Variants in LRRC27 observed in about 807,000 individuals in gnomAD.
The protein encoded by LRRC27 is leucine-rich repeat-containing protein 27.
A neutral mutation model predicts 55.0 loss-of-function variants in LRRC27; 57 were observed. The ratio of observed to expected loss-of-function variants is 1.04; its 90% CI spans 0.84 to 1.29. LRRC27 has a LOEUF of 1.29. Among genes scored for constraint, LRRC27 ranks in the 50% most tolerant of loss-of-function variants. The pLI is 0.00. For missense variants in LRRC27, 721 were observed against 651.5 expected (o/e 1.11, Z -1.16); for synonymous variants, 278 against 251.9 (o/e 1.10, Z -0.98).
chr10:132,350,837 T>G (rs2497644), intron 6 of LRRC27: 63,641 of 152,058 alleles, frequency 0.42, 13,731 homozygotes, highest in African/African-American at 0.5. Context: ...TGGTGAGGAG[T>G]TGTCATGTTC....
chr10:132,352,979 C>T (rs2068131928), intron 7 of LRRC27: 4 of 1,613,502 alleles, frequency 2.5e-6, no homozygotes, highest in Non-Finnish European at 3.4e-6. Context: ...AGTGCCACCA[C>T]CTTGCGAGGT....
At chr10:132,336,035 G>A (rs531650874) in intron 2 of LRRC27, among the ~76,000 whole-genome samples, 9 of 152,320 alleles carry the variant, frequency 5.9e-5, no homozygotes, top group African/African-American at 2.2e-4. Context: ...AAGGCACTTT[G>A]TCTTGGAAAT....
chr10:132,339,096 G>A lies in LRRC27; in HGVS notation c.341+1401G>A, dbSNP rs542902345. On this transcript the variant is annotated intron_variant, in intron 3 of 10. Coordinates refer to ENST00000368614, the MANE Select transcript of LRRC27 (RefSeq NM_030626.3). ...CAGCCCATGCAGGAGGGGCAGCCTG[G>A]GCGTGGCTGGCCACGGCAGGGCCTG... 2.0e-3 allele frequency among the ~76,000 whole-genome samples: 301 copies of A among 152,294 alleles called. 1 individual carries two copies. The highest frequency in any genetic ancestry group is 4.9e-3 in the African/African-American group (202 of 41,562).
intron 7 of LRRC27, among the ~76,000 whole-genome samples, chr10:132,352,440 T>C (rs1215411344): frequency 1.6e-4 from 10 of 62,726 alleles, no homozygotes; most frequent in African/African-American, 6.0e-4. Context: ...CAGGCGCAGG[T>C]GCAGCGCTCC....
At chr10:132,358,215 A>G (rs1472807941) in intron 8 of LRRC27, among the ~76,000 whole-genome samples, 1 of 152,264 alleles carries the variant, frequency 6.6e-6, no homozygotes, top group African/African-American at 2.4e-5. Flanking sequence ...GCCACCGTAA[A>G]TACATGAAAA....
In LRRC27 at chr10:132,348,985, G is replaced by A. The variant is rs549346960; in HGVS notation, c.926+629G>A. The A allele has an allele frequency of 1.9e-6, 3 of 1,609,814 alleles. No individual in the cohort carries two copies. The highest frequency in any genetic ancestry group is 1.7e-5 in the Admixed American group (1 of 59,420). Reference sequence around the variant, plus strand: ...CAGGACAAGGGTCCCTAGGAAACAGGCTCTGCAGAGACTACATGAGAGAAA... The same window carrying A: ...CAGGACAAGGGTCCCTAGGAAACAGACTCTGCAGAGACTACATGAGAGAAA... On this transcript the variant is annotated intron_variant, in intron 6 of 10. Transcript: ENST00000368614. The surrounding 1 kb of genome is among the most constrained non-coding windows in gnomAD (Gnocchi z 4.2).
intron 9 of LRRC27, among the ~76,000 whole-genome samples, chr10:132,363,523 G>A (rs1049883584): frequency 1.6e-4 from 24 of 152,270 alleles, no homozygotes; most frequent in South Asian, 1.2e-3. Context: ...CCTCCCAGGC[G>A]TCCTGGGAAG....
chr10:132,347,787 T>C (rs1042519704), intron 5 of LRRC27, among the ~76,000 whole-genome samples, 197 bp from the exon 6 acceptor site: 1 of 152,100 alleles, frequency 6.6e-6, no homozygotes, highest in Admixed American at 6.5e-5. Flanking sequence ...TGGAACTGCT[T>C]TGTGTGCCGC....
At position 132,348,270 on chromosome 10, in the gene LRRC27, T is replaced by A. The variant is rs1192257982; in HGVS notation, c.840T>A (p.Asp280Glu). ...VEHVKADVLG[D>E]QLLTRELPPN... ...ACGTGAAGGCAGACGTTCTGGGAGA[T>A]CAGCTCTTGACGAGGGAATTACCTC... The change falls in exon 6 of 11, where the codon GAT becomes GAA. Residue 280 changes from aspartate to glutamate, a missense_variant. Coordinates refer to ENST00000368614, the MANE Select transcript of LRRC27 (RefSeq NM_030626.3). This position sits in a 1 kb window ranked among gnomAD's most constrained non-coding sequence, Gnocchi z 4.2. 2.5e-6 allele frequency: 4 copies of A among 1,613,868 alleles called. No homozygotes were observed. The African/African-American group carries it at 5.3e-5, about 22-fold the overall frequency.
At chr10:132,361,356 C>T (rs2068607312) in intron 8 of LRRC27, 101 bp from the exon 9 acceptor site, 7 of 1,027,784 alleles carry the variant, frequency 6.8e-6, no homozygotes, top group Non-Finnish European at 3.0e-6. Flanking sequence ...GGACCCACCT[C>T]TTCGTGGACG....
intron 2 of LRRC27, chr10:132,336,731 A>G (rs775582169): frequency 2.6e-6 from 2 of 755,088 alleles, no homozygotes; most frequent in Non-Finnish European, 4.9e-6. Flanking sequence ...TGAAACCTAG[A>G]TGTGGATCCA....
chr10:132,338,045 G>A (rs973344138), intron 3 of LRRC27, among the ~76,000 whole-genome samples: 1 of 152,220 alleles, frequency 6.6e-6, no homozygotes, highest in Non-Finnish European at 1.5e-5. Context: ...GCCAGGCGCG[G>A]TGGCTCACGC....
intron 10 of LRRC27, among the ~76,000 whole-genome samples, chr10:132,373,624 C>T (rs1436459270): frequency 6.6e-6 from 1 of 152,164 alleles, no homozygotes; most frequent in Non-Finnish European, 1.5e-5. Context: ...ATGCTGCTTC[C>T]CATCTAGAGA....
intron 8 of LRRC27, among the ~76,000 whole-genome samples, chr10:132,359,954 CAA>C (rs1564847873): frequency 6.6e-6 from 1 of 152,164 alleles, no homozygotes; most frequent in Non-Finnish European, 1.5e-5. Flanking sequence ...CTTGCTCACT[CAA>C]GAGCTGGATG....
At chr10:132,363,255 C>G (rs1028492863) in intron 9 of LRRC27, among the ~76,000 whole-genome samples, 14 of 150,580 alleles carry the variant, frequency 9.3e-5, no homozygotes, top group Admixed American at 7.3e-4. Flanking sequence ...GTTCATGAAC[C>G]CTCTCACCTC....
At position 132,375,340 on chromosome 10, in the gene LRRC27, G is replaced by A; in HGVS notation, c.*98G>A. The A allele has an allele frequency of 2.6e-6, 3 of 1,161,982 alleles. No individual in the cohort carries two copies. The highest frequency in any genetic ancestry group is 3.6e-6 in the Non-Finnish European group (3 of 824,092). 72.0% of individuals were successfully genotyped at this position (1,161,982 alleles called of 1,614,324 possible). ...CTGTGTGGTGCCGGAAGAGCGCCAG[G>A]TTCAGTGTTACCCTGAGGGCTGATT... On this transcript the variant is annotated 3_prime_UTR_variant, in exon 11 of 11. Coordinates refer to ENST00000368614, the MANE Select transcript of LRRC27 (RefSeq NM_030626.3).
chr10:132,356,834 T>C (rs980551008), intron 8 of LRRC27, among the ~76,000 whole-genome samples: 4 of 152,272 alleles, frequency 2.6e-5, no homozygotes, highest in African/African-American at 4.8e-5. Flanking sequence ...CCTGTGAGCA[T>C]AGTCAGGCAA....
chr10:132,337,299 T>C, intron 2 of LRRC27: 1 of 1,270,636 alleles, frequency 7.9e-7, no homozygotes, highest in South Asian at 2.0e-5. Context: ...GAAACAGTGG[T>C]GTGCTGGGTC....
chr10:132,378,043 G>T lies in LRRC27; in HGVS notation c.*2801G>T, dbSNP rs796196728. On this transcript the variant is annotated 3_prime_UTR_variant, in exon 11 of 11. Coordinates refer to ENST00000368614, the MANE Select transcript of LRRC27 (RefSeq NM_030626.3). ...AAAAAATACAAAAAATTAGCCGGGCGTGGTGGCTGTAGTCGCAGCTACTCA... is the reference window on the plus strand; with the variant it reads ...AAAAAATACAAAAAATTAGCCGGGCTTGGTGGCTGTAGTCGCAGCTACTCA... 1 of 81,264 alleles carries T rather than the reference G, an allele frequency of 1.2e-5. No individual in the cohort carries two copies. The highest frequency in any genetic ancestry group is 2.3e-5 in the Non-Finnish European group (1 of 43,554). 5.0% of individuals were successfully genotyped at this position (81,264 alleles called of 1,614,324 possible).
Sources: allele counts gnomAD v4.1 joint callset (sites outside exome capture counted in the v4.1 genomes callset), GRCh38; gene constraint gnomAD v4.1.1; non-coding constraint Gnocchi (gnomAD v3.1); transcripts MANE v1.5; gene names NCBI Gene and HGNC (gene_info 2026-07-23, HGNC 2026-07-21).